OCEL1: variants seen among roughly 807,000 people sequenced by gnomAD.
OCEL1 encodes the protein occludin/ELL domain-containing protein 1.
Under a neutral mutation model 29.4 loss-of-function variants are expected in OCEL1, and 24 were observed. The ratio of observed to expected loss-of-function variants is 0.82; its 90% CI spans 0.59 to 1.15. The LOEUF is 1.15. Among genes scored for constraint, OCEL1 ranks in the 50% most tolerant of loss-of-function variants. The pLI is 0.00. For missense variants in OCEL1, 402 were observed against 352.5 expected, an observed-to-expected ratio of 1.14 and a Z score of -1.13; for synonymous variants, 172 against 145.3, an observed-to-expected ratio of 1.18 and a Z score of -1.32.
intron 1 of OCEL1, 108 bp from the exon 2 acceptor site, chr19:17,226,585 A>G (rs919734443): frequency 5.7e-6 from 7 of 1,226,038 alleles, no homozygotes; most frequent in Non-Finnish European, 6.6e-6. Context: ...CGTTCTGGGG[A>G]ACTCTGCTCC....
rs1307002903 is a variant in OCEL1 at position 17,226,418 on chromosome 19, G to A, written c.69+102G>A. The A allele has an allele frequency of 6.6e-6, 9 of 1,366,062 alleles. No individual in the cohort carries two copies. In the East Asian group the frequency reaches 1.2e-4, roughly 19 times the overall value. 84.6% of individuals were successfully genotyped at this position (1,366,062 alleles called of 1,614,324 possible). A position where few individuals can be genotyped will look rare whatever the true frequency, so the allele number is the denominator to read the frequency against. On this transcript the variant is annotated intron_variant, in intron 1 of 5. Coordinates refer to ENST00000215061, the MANE Select transcript of OCEL1 (RefSeq NM_024578.3). ...TCTGTGGGCTCTGCGCGCCCTGGAG[G>A]TCGAGGCTCCGGCAGCGCGGGGGTT...
chr19:17,227,760 C>T (rs895023233), intron 3 of OCEL1, 80 bp from the exon 4 acceptor site: 18 of 1,489,504 alleles, frequency 1.2e-5, no homozygotes, highest in South Asian at 1.1e-4. Context: ...CCAGCATGGA[C>T]AAAGAAAAGC....
In OCEL1 at chr19:17,226,294, C is replaced by A; in HGVS notation, c.47C>A (p.Ser16Ter). 6.2e-7 allele frequency: 1 copy of A among 1,612,314 alleles called. No homozygotes were observed. The highest frequency in any genetic ancestry group is 1.3e-5 in the African/African-American group (1 of 75,024). The change falls in exon 1 of 6, where the codon TCG (serine) becomes TAG (stop). Residue 16 changes from serine to a stop codon, truncating the protein, a stop_gained. Coordinates refer to ENST00000215061, the MANE Select transcript of OCEL1 (RefSeq NM_024578.3). LOFTEE classifies it high-confidence loss of function. ...GCCTCTCCGACAGCAGATCCAGGCTCGGAGCTCCAGACGCTGGGACAGGTG... is the reference window on the plus strand; with the variant it reads ...GCCTCTCCGACAGCAGATCCAGGCTAGGAGCTCCAGACGCTGGGACAGGTG... ...GSASPTADPG[S>*]ELQTLGQAAR... is the part of the protein sequence containing the mutation.
chr19:17,226,331 T>C lies in OCEL1; in HGVS notation c.69+15T>C. The C allele has an allele frequency of 1.2e-6, 2 of 1,608,990 alleles. No homozygotes were observed. Among genetic ancestry groups the C allele is most frequent in the Non-Finnish European group, 1.7e-6 (2 of 1,178,498 alleles). On this transcript the variant is annotated intron_variant, in intron 1 of 5. Transcript: ENST00000215061. Reference sequence around the variant, plus strand: ...CGCTGGGACAGGTGACCCGGGGCGGTAGCGAGCCGGACGGCCTTGCAGGTG... The same window carrying C: ...CGCTGGGACAGGTGACCCGGGGCGGCAGCGAGCCGGACGGCCTTGCAGGTG...
intron 2 of OCEL1, 56 bp from the exon 3 acceptor site, chr19:17,226,938 G>A: frequency 6.5e-7 from 1 of 1,529,996 alleles, no homozygotes. Flanking sequence ...TCCAGTTTGA[G>A]GGACTCCGGT....
chr19:17,228,437 G>A, intron 5 of OCEL1, 128 bp downstream of exon 5: 7 of 965,136 alleles, frequency 7.3e-6, no homozygotes, highest in Non-Finnish European at 9.4e-6. Context: ...CCAGGCGGGA[G>A]TGCAGTGGTA....
At position 17,228,238 on chromosome 19, in the gene OCEL1, C is replaced by T. The variant is rs1239394321; in HGVS notation, c.619-18C>T. On this transcript the variant is annotated intron_variant, in intron 4 of 5. Coordinates refer to ENST00000215061, the MANE Select transcript of OCEL1 (RefSeq NM_024578.3). Reference sequence around the variant, plus strand: ...ATTCAACTCTCCCTAAACCCCCTTTCTACTCCTCCCCTTGCAGAAGGAGGC... The same window carrying T: ...ATTCAACTCTCCCTAAACCCCCTTTTTACTCCTCCCCTTGCAGAAGGAGGC... The T allele has an allele frequency of 6.2e-7, 1 of 1,614,014 alleles. No homozygotes were observed. The highest frequency in any genetic ancestry group is 1.1e-5 in the South Asian group (1 of 91,070).
intron 2 of OCEL1, 55 bp from the exon 3 acceptor site, chr19:17,226,939 G>T: frequency 6.5e-7 from 1 of 1,530,852 alleles, no homozygotes. Flanking sequence ...CCAGTTTGAG[G>T]GACTCCGGTT....
chr19:17,229,015 C>G lies in OCEL1; in HGVS notation c.*90C>G, dbSNP rs758512411. 8 of 1,475,106 alleles carry G rather than the reference C, an allele frequency of 5.4e-6. 1 individual carries two copies. Among genetic ancestry groups the G allele is most frequent in the Non-Finnish European group, 7.3e-6 (8 of 1,094,770 alleles). 91.4% of individuals were successfully genotyped at this position (1,475,106 alleles called of 1,614,324 possible). ...TCAGCTTTTCCTCTTGCAGCTCCCC[C>G]TACCAGGGGTCGCTTTCTCCTGGAT... is the stretch of plus-strand genomic sequence containing the variant. On this transcript the variant is annotated 3_prime_UTR_variant, in exon 6 of 6. Coordinates refer to ENST00000215061, the MANE Select transcript of OCEL1 (RefSeq NM_024578.3).
intron 3 of OCEL1, 111 bp downstream of exon 3, chr19:17,227,310 C>T: frequency 1.9e-6 from 2 of 1,029,712 alleles, no homozygotes; most frequent in Non-Finnish European, 1.3e-6. Flanking sequence ...GAAAGGATCC[C>T]TTGCTGATCA....
rs2073387317 is a variant in OCEL1 at position 17,228,832 on chromosome 19, C to T, written c.702C>T (p.Arg234=). 1.2e-6 allele frequency: 2 copies of T among 1,613,744 alleles called. No homozygotes were observed. Among genetic ancestry groups the T allele is most frequent in the South Asian group, 2.2e-5 (2 of 91,076 alleles). ...CTGGCTTCCTGGACAAGCAGGCTCG[C>T]TGCCACTACCTGAAGGGTAAACTGA... ...MDPGFLDKQA[R]CHYLKGKLRH... The change falls in exon 6 of 6, where the codon CGC becomes CGT. Residue 234 remains arginine (R), a synonymous_variant. Transcript: ENST00000215061.
At chr19:17,226,947 G>T in intron 2 of OCEL1, 47 bp from the exon 3 acceptor site, 1 of 1,534,258 alleles carries the variant, frequency 6.5e-7, no homozygotes, top group Non-Finnish European at 8.7e-7. Context: ...AGGGACTCCG[G>T]TTTCCCGACA....
chr19:17,229,009 C>G lies in OCEL1; in HGVS notation c.*84C>G. 1 of 1,501,110 alleles carries G rather than the reference C, an allele frequency of 6.7e-7. No homozygotes were observed. The highest frequency in any genetic ancestry group is 9.0e-7 in the Non-Finnish European group (1 of 1,111,998). The allele number at this position is 1,501,110 out of a possible 1,614,324, so 93.0% of individuals were successfully genotyped here. Reference sequence around the variant, plus strand: ...TATCTCTCAGCTTTTCCTCTTGCAGCTCCCCCTACCAGGGGTCGCTTTCTC... The same window carrying G: ...TATCTCTCAGCTTTTCCTCTTGCAGGTCCCCCTACCAGGGGTCGCTTTCTC... On this transcript the variant is annotated 3_prime_UTR_variant, in exon 6 of 6. Transcript: ENST00000215061.
rs1248898102 is a variant in OCEL1 at position 17,227,885 on chromosome 19, C to T, written c.498C>T (p.Val166=). ...VSSERERSRY[V]AVFQDQYGEF... is the part of the protein sequence containing the mutation. ...GTGAGAGGGAACGGAGCCGCTATGT[C>T]GCAGTGTTCCAGGACCAGTACGGAG... The change falls in exon 4 of 6, where the codon GTC becomes GTT. Residue 166 remains valine (V), a synonymous_variant. Transcript: ENST00000215061. The T allele has an allele frequency of 5.0e-6, 8 of 1,613,762 alleles. No homozygotes were observed. Among genetic ancestry groups the T allele is most frequent in the African/African-American group, 1.3e-5 (1 of 74,896 alleles).
At position 17,227,080 on chromosome 19, in the gene OCEL1, C is replaced by T; in HGVS notation, c.333C>T (p.Thr111=). The T allele has an allele frequency of 1.2e-6, 2 of 1,609,096 alleles. No homozygotes were observed. Among genetic ancestry groups the T allele is most frequent in the East Asian group, 2.3e-5 (1 of 44,254 alleles). Residue 111 remains threonine (T), a synonymous_variant, in exon 3 of 6, where the codon ACC becomes ACT. Coordinates refer to ENST00000215061, the MANE Select transcript of OCEL1 (RefSeq NM_024578.3). The part of the protein sequence containing the change: ...QPQPGPHKAK[T]KKIVFEDELL... ...AGCCGGGACCCCACAAGGCAAAGACCAAGAAGATTGTGTTTGAGGATGAGT... is the reference window on the plus strand; with the variant it reads ...AGCCGGGACCCCACAAGGCAAAGACTAAGAAGATTGTGTTTGAGGATGAGT...
In OCEL1 at chr19:17,229,025, T is replaced by C. The variant is rs561816022; in HGVS notation, c.*100T>C. On this transcript the variant is annotated 3_prime_UTR_variant, in exon 6 of 6. Coordinates refer to ENST00000215061, the MANE Select transcript of OCEL1 (RefSeq NM_024578.3). ...CTCTTGCAGCTCCCCCTACCAGGGGTCGCTTTCTCCTGGATTGCAAATGCC... is the reference window on the plus strand; with the variant it reads ...CTCTTGCAGCTCCCCCTACCAGGGGCCGCTTTCTCCTGGATTGCAAATGCC... 4.3e-5 allele frequency: 61 copies of C among 1,410,284 alleles called. No homozygotes were observed. The African/African-American group carries it at 5.8e-4, about 14-fold the overall frequency. The allele number at this position is 1,410,284 out of a possible 1,614,324, so 87.4% of individuals were successfully genotyped here.
rs971582360 is a variant in OCEL1, at chr19:17,228,317, T to C, written c.672+8T>C. On this transcript the variant is annotated splice_region_variant and intron_variant, in intron 5 of 5. Transcript: ENST00000215061. Reference sequence around the variant, plus strand: ...TTTGAGATGAAGCGAATGGTGAGTCTTGCATCCCACAGCTTGGTCTTGCAC... The same window carrying C: ...TTTGAGATGAAGCGAATGGTGAGTCCTGCATCCCACAGCTTGGTCTTGCAC... 2.0e-5 allele frequency: 33 copies of C among 1,613,920 alleles called. No individual in the cohort carries two copies. Among genetic ancestry groups the C allele is most frequent in the Non-Finnish European group, 2.8e-5 (33 of 1,179,962 alleles).
At position 17,226,755 on chromosome 19, in the gene OCEL1, A is replaced by T; in HGVS notation, c.132A>T (p.Ser44=). The change falls in exon 2 of 6, where the codon TCA becomes TCT. Residue 44 remains serine, a synonymous_variant. Coordinates refer to ENST00000215061, the MANE Select transcript of OCEL1 (RefSeq NM_024578.3). ...ACGCCCCCCGCAGGACCCGCCCATC[A>T]GCCCGGAAACCCCTGAGCTGCTTCT... ...GHDAPRRTRP[S]ARKPLSCFSR... is the part of the protein sequence containing the mutation. 1 of 1,579,382 alleles carries T rather than the reference A, an allele frequency of 6.3e-7. No homozygotes were observed. The highest frequency in any genetic ancestry group is 8.6e-7 in the Non-Finnish European group (1 of 1,168,488).
rs774475809 is a variant in OCEL1, at chr19:17,227,123, C to T, written c.376C>T (p.Leu126=). 6.9e-6 allele frequency: 11 copies of T among 1,601,978 alleles called. No individual in the cohort carries two copies. The highest frequency in any genetic ancestry group is 9.3e-6 in the Non-Finnish European group (11 of 1,176,968). ...GGATGAGTTGCTCTCCCAGGCCCTC[C>T]TGGGCGCCAAGAAGCCTATTGGAGC... ...FEDELLSQAL[L]GAKKPIGAIP... Residue 126 remains leucine, a synonymous_variant, in exon 3 of 6, where the codon CTG becomes TTG. Transcript: ENST00000215061.
Sources: allele counts gnomAD v4.1 joint callset, GRCh38; gene constraint gnomAD v4.1.1; transcripts MANE v1.5; gene names NCBI Gene and HGNC (gene_info 2026-07-23, HGNC 2026-07-21).